Variants in TMEM132D observed in about 807,000 individuals in gnomAD.
TMEM132D encodes mature OL transmembrane protein.
Under a neutral mutation model 62.3 loss-of-function variants are expected in TMEM132D, and 21 were observed. That is an observed-to-expected ratio of 0.34 (90% confidence interval 0.24 to 0.49). The LOEUF is 0.49. Among genes scored for constraint, TMEM132D ranks in the 20% least tolerant of loss-of-function variants. TMEM132D has a pLI of 0.99. For synonymous variants in TMEM132D, 621 were observed against 575.6 expected (o/e 1.08, Z -1.13); for missense variants, 1,346 against 1,402.8 (o/e 0.96, Z 0.65).
At chr12:129,242,948 A>G (rs1879976534) in intron 4 of TMEM132D, among the ~76,000 whole-genome samples, 1 of 152,254 alleles carries the variant, frequency 6.6e-6, no homozygotes, top group Non-Finnish European at 1.5e-5. Context: ...TCTAAGCCAG[A>G]GGCAGCAAGT....
At chr12:129,461,914 A>T (rs552384928) in intron 3 of TMEM132D, among the ~76,000 whole-genome samples, 12 of 152,236 alleles carry the variant, frequency 7.9e-5, no homozygotes, top group Non-Finnish European at 1.6e-4. Context: ...ACAAGGAGAC[A>T]TTCTAGGAAT....
At chr12:129,165,923 A>G (rs1299554762) in intron 5 of TMEM132D, among the ~76,000 whole-genome samples, 1 of 152,184 alleles carries the variant, frequency 6.6e-6, no homozygotes, top group Non-Finnish European at 1.5e-5. Context: ...TATTCACGTG[A>G]CGCTGACTAT....
intron 5 of TMEM132D, among the ~76,000 whole-genome samples, chr12:129,156,878 C>T (rs1255335399): frequency 6.6e-6 from 1 of 152,150 alleles, no homozygotes. Context: ...TTAACTTACT[C>T]CTGAGATAAA....
At chr12:129,182,003 T>C (rs1481569108) in intron 5 of TMEM132D, among the ~76,000 whole-genome samples, 3 of 152,066 alleles carry the variant, frequency 2.0e-5, no homozygotes, top group Non-Finnish European at 2.9e-5. Flanking sequence ...ATATCAAACA[T>C]AGAATCAAGG....
At chr12:129,621,359 C>T (rs1879062045) in intron 2 of TMEM132D, among the ~76,000 whole-genome samples, 1 of 152,172 alleles carries the variant, frequency 6.6e-6, no homozygotes. Flanking sequence ...TGCCACGATG[C>T]TCTCTGGGGA....
chr12:129,414,825 C>T (rs566508299), intron 3 of TMEM132D, among the ~76,000 whole-genome samples: 41 of 152,288 alleles, frequency 2.7e-4, no homozygotes, highest in African/African-American at 8.2e-4. Context: ...CCCACCCCAC[C>T]GCCCAGTCTC....
intron 5 of TMEM132D, among the ~76,000 whole-genome samples, chr12:129,128,485 G>A (rs1299088837): frequency 1.3e-5 from 2 of 152,094 alleles, no homozygotes; most frequent in Non-Finnish European, 2.9e-5. Flanking sequence ...GATCTCATGA[G>A]AACTCACTCA....
chr12:129,208,045 G>A (rs944501113), intron 5 of TMEM132D, among the ~76,000 whole-genome samples: 1 of 152,176 alleles, frequency 6.6e-6, no homozygotes, highest in African/African-American at 2.4e-5. Flanking sequence ...TCATCAGCCT[G>A]AGGGGCCGAG....
chr12:129,411,994 A>T (rs10847866), intron 3 of TMEM132D, among the ~76,000 whole-genome samples: 1 of 152,130 alleles, frequency 6.6e-6, no homozygotes, highest in Non-Finnish European at 1.5e-5. Flanking sequence ...TTTGACTGTA[A>T]TGCAATACTC....
At chr12:129,714,784 GA>G (rs1246765128) in intron 1 of TMEM132D, among the ~76,000 whole-genome samples, 2 of 152,188 alleles carry the variant, frequency 1.3e-5, no homozygotes, top group African/African-American at 4.8e-5. Context: ...AGTCATTGAA[GA>G]AAATAACTCA....
intron 3 of TMEM132D, among the ~76,000 whole-genome samples, chr12:129,464,546 C>G (rs552016971): frequency 6.6e-6 from 1 of 152,292 alleles, no homozygotes; most frequent in East Asian, 1.9e-4. Context: ...AGTCCTTGCC[C>G]ATGCCTATGT....
intron 1 of TMEM132D, among the ~76,000 whole-genome samples, chr12:129,879,950 T>C (rs1486190527): frequency 1.3e-5 from 2 of 152,036 alleles, no homozygotes; most frequent in Non-Finnish European, 2.9e-5. Context: ...AAAGAGGAGC[T>C]ATCTGAAGAG....
intron 2 of TMEM132D, among the ~76,000 whole-genome samples, chr12:129,699,512 A>G (rs977561212): frequency 2.6e-5 from 4 of 152,208 alleles, no homozygotes; most frequent in Non-Finnish European, 5.9e-5. Flanking sequence ...TAATTTTAGC[A>G]TTCCCAAAAC....
At chr12:129,640,812 G>T (rs761682869) in intron 2 of TMEM132D, among the ~76,000 whole-genome samples, 1 of 152,090 alleles carries the variant, frequency 6.6e-6, no homozygotes, top group Non-Finnish European at 1.5e-5. Flanking sequence ...ACTCCCCAAC[G>T]CTCACATTAC....
At chr12:129,751,377 G>A (rs1469618884) in intron 1 of TMEM132D, among the ~76,000 whole-genome samples, 1 of 152,130 alleles carries the variant, frequency 6.6e-6, no homozygotes, top group Admixed American at 6.5e-5. Flanking sequence ...AACAGCAAGG[G>A]GTAAATCCAC....
At chr12:129,619,933 T>A (rs1433664602) in intron 2 of TMEM132D, among the ~76,000 whole-genome samples, 1 of 152,146 alleles carries the variant, frequency 6.6e-6, no homozygotes, top group Non-Finnish European at 1.5e-5. Context: ...CTCTAGAAAG[T>A]CATCCAGAAT....
At chr12:129,574,886 T>C (rs889153004) in intron 2 of TMEM132D, among the ~76,000 whole-genome samples, 1 of 151,652 alleles carries the variant, frequency 6.6e-6, no homozygotes, top group Non-Finnish European at 1.5e-5. Context: ...GTCAAAATGA[T>C]GGAAGTTCAG....
chr12:129,524,920 C>CTTTTTCT (rs1875968895), intron 3 of TMEM132D, among the ~76,000 whole-genome samples: 1 of 92,170 alleles, frequency 1.1e-5, no homozygotes, highest in African/African-American at 4.4e-5. Context: ...ATATTTTTTT[C>CTTTTTCT]TTTTTTCTTT....
At chr12:129,358,782 A>G (rs1027132251) in intron 3 of TMEM132D, among the ~76,000 whole-genome samples, 5 of 152,168 alleles carry the variant, frequency 3.3e-5, no homozygotes, top group Non-Finnish European at 7.4e-5. Flanking sequence ...AAGAATGGGT[A>G]GAGGCAAAGG....
Sources: gnomAD v4.1 joint callset for allele counts (sites outside exome capture counted in the v4.1 genomes callset) on GRCh38, gnomAD v4.1.1 for gene constraint, MANE v1.5 for transcripts, NCBI Gene and HGNC (gene_info 2026-07-23, HGNC 2026-07-21) for gene names.